Variants in PI4KA observed in about 807,000 individuals in gnomAD.
The protein encoded by PI4KA is PI4-kinase alpha.
PI4KA carries 122 observed loss-of-function variants against 271.4 expected under a neutral mutation model. The ratio of observed to expected loss-of-function variants is 0.45; its 90% CI spans 0.39 to 0.52. PI4KA has a LOEUF of 0.52. Among genes scored for constraint, PI4KA ranks in the 20% least tolerant of loss-of-function variants. The pLI, the probability that PI4KA is intolerant of heterozygous loss-of-function variation, is 0.00. For synonymous variants in PI4KA, 1,041 were observed against 1,078.8 expected (o/e 0.96, Z 0.69); for missense variants, 1,969 against 2,769.1 (o/e 0.71, Z 6.48).
intron 35 of PI4KA, 25 bp downstream of exon 35, chr22:20,733,711 T>C (rs1928344484): frequency 1.2e-6 from 2 of 1,613,886 alleles, no homozygotes; most frequent in Non-Finnish European, 1.7e-6. Flanking sequence ...CCCTGGACGC[T>C]GCACAGCACA....
At chr22:20,729,821 G>T in intron 37 of PI4KA, 71 bp downstream of exon 37, 1 of 1,602,346 alleles carries the variant, frequency 6.2e-7, no homozygotes, top group Non-Finnish European at 8.5e-7. Context: ...CTGAGCAAGT[G>T]TCCATCAAGC....
At chr22:20,724,919 C>G (rs1275876040) in intron 42 of PI4KA, among the ~76,000 whole-genome samples, 1 of 152,222 alleles carries the variant, frequency 6.6e-6, no homozygotes, top group Non-Finnish European at 1.5e-5. Context: ...TCATGACAAT[C>G]CTGTAAGTTG....
chr22:20,787,098 G>A, intron 19 of PI4KA: 1 of 1,582,652 alleles, frequency 6.3e-7, no homozygotes, highest in Non-Finnish European at 8.7e-7. Flanking sequence ...AAGTGCCTTG[G>A]GGGCACCCTC....
At chr22:20,794,341 A>AGCCT in intron 18 of PI4KA, among the ~76,000 whole-genome samples, 1 of 152,308 alleles carries the variant, frequency 6.6e-6, no homozygotes, top group East Asian at 1.9e-4. Flanking sequence ...GACAGGTTAC[A>AGCCT]GCCTCTGCTT....
intron 19 of PI4KA, among the ~76,000 whole-genome samples, chr22:20,769,660 C>T (rs1178942049): frequency 1.5e-5 from 2 of 129,202 alleles, no homozygotes; most frequent in East Asian, 2.4e-4. Context: ...CAGAGCGAGA[C>T]GCCATTTCAA....
Position 20,744,552 on chromosome 22 carries a change from C to A in PI4KA, c.3456+76G>T, listed in dbSNP as rs113128946. On this transcript the variant is annotated intron_variant, in intron 30 of 54. Coordinates refer to ENST00000255882, the MANE Select transcript of PI4KA (RefSeq NM_058004.4). ...TCACCGGGACGCTTTGTTCATTTTCCACTAGGAAGCGGCCAACAGGCCTCA... is the reference window on the plus strand; with the variant it reads ...TCACCGGGACGCTTTGTTCATTTTCAACTAGGAAGCGGCCAACAGGCCTCA... The A allele has an allele frequency of 2.9e-4, 290 of 999,034 alleles. 1 individual carries two copies. The African/African-American group carries it at 4.2e-3, about 15-fold the overall frequency. The allele number at this position is 999,034 out of a possible 1,614,324, so 61.9% of individuals were successfully genotyped here.
In PI4KA at chr22:20,730,030, T is replaced by C; in HGVS notation, c.4289-19A>G. ...TGATTATCTGAGGGCAAACACATTG[T>C]TGATTCTAGAGTGAGGTGGCTCAAG... On this transcript the variant is annotated intron_variant, in intron 36 of 54. Transcript: ENST00000255882. 6.2e-7 allele frequency: 1 copy of C among 1,613,744 alleles called. No individual in the cohort carries two copies. The highest frequency in any genetic ancestry group is 1.3e-5 in the African/African-American group (1 of 75,012).
chr22:20,734,632 A>G (rs1327894896), intron 32 of PI4KA, 79 bp from the exon 33 acceptor site: 3 of 1,349,938 alleles, frequency 2.2e-6, no homozygotes, highest in Non-Finnish European at 3.1e-6. Flanking sequence ...AATTAAAAAA[A>G]GGAACACGTG....
intron 19 of PI4KA, chr22:20,787,836 G>C (rs1190899308): frequency 6.5e-6 from 1 of 154,562 alleles, no homozygotes; most frequent in East Asian, 1.9e-4. Flanking sequence ...ACCACAATGT[G>C]CCACAGCAGG....
intron 22 of PI4KA, among the ~76,000 whole-genome samples, chr22:20,763,028 G>GC (rs1233458290): frequency 3.1e-5 from 3 of 95,538 alleles, no homozygotes; most frequent in African/African-American, 1.4e-4. Context: ...GGGGGGGGGG[G>GC]GGGTTAGAGA....
At chr22:20,720,212 T>C (rs974862141) in intron 43 of PI4KA, among the ~76,000 whole-genome samples, 12 of 152,136 alleles carry the variant, frequency 7.9e-5, no homozygotes, top group Admixed American at 6.6e-4. Flanking sequence ...AGGTGCGACG[T>C]AGACAGACTT....
chr22:20,806,545 C>T (rs1196259912), intron 10 of PI4KA, among the ~76,000 whole-genome samples: 1 of 151,744 alleles, frequency 6.6e-6, no homozygotes, highest in African/African-American at 2.4e-5. Flanking sequence ...TGGCACATGC[C>T]TGTAATCCCA....
chr22:20,724,854 A>C (rs1324588628), intron 42 of PI4KA, among the ~76,000 whole-genome samples: 5 of 152,112 alleles, frequency 3.3e-5, no homozygotes, highest in Admixed American at 1.3e-4. Flanking sequence ...TCAAGGGAAA[A>C]TAATGTGGGA....
intron 23 of PI4KA, among the ~76,000 whole-genome samples, chr22:20,756,128 G>T (rs1049899190): frequency 6.6e-6 from 1 of 152,082 alleles, no homozygotes; most frequent in South Asian, 2.1e-4. Context: ...ATGCTCAAGG[G>T]TAGTGAGAGG....
chr22:20,779,448 A>C (rs749989451), intron 19 of PI4KA: 15 of 1,614,084 alleles, frequency 9.3e-6, no homozygotes, highest in Admixed American at 3.3e-5. Flanking sequence ...GGAGCAGTTA[A>C]ATAACAAAAA....
chr22:20,781,949 A>G (rs1226442591), intron 19 of PI4KA, among the ~76,000 whole-genome samples: 1 of 152,264 alleles, frequency 6.6e-6, no homozygotes, highest in Non-Finnish European at 1.5e-5. Flanking sequence ...AATGCAACAG[A>G]GTGGCACATG....
chr22:20,811,612 A>C (rs960487290), intron 8 of PI4KA, among the ~76,000 whole-genome samples: 13 of 151,900 alleles, frequency 8.6e-5, no homozygotes, highest in African/African-American at 3.1e-4. Context: ...AACCACAAAA[A>C]AAAAAAAAAA....
chr22:20,823,914 T>C (rs535865223), intron 4 of PI4KA, among the ~76,000 whole-genome samples: 277 of 152,214 alleles, frequency 1.8e-3, no homozygotes, highest in African/African-American at 6.6e-3. Flanking sequence ...CACTCCAGCC[T>C]GGATGACAGA....
At chr22:20,742,963 T>G in intron 30 of PI4KA, 199 bp from the exon 31 acceptor site, 1 of 572,352 alleles carries the variant, frequency 1.7e-6, no homozygotes, top group Non-Finnish European at 3.1e-6. Flanking sequence ...AAAGAACAGC[T>G]CCTCTAGAAA....
Sources: allele counts gnomAD v4.1 joint callset (sites outside exome capture counted in the v4.1 genomes callset), GRCh38; gene constraint gnomAD v4.1.1; transcripts MANE v1.5; gene names NCBI Gene and HGNC (gene_info 2026-07-23, HGNC 2026-07-21).